The following USP18 variants were observed in gnomAD, a reference collection of about 807,000 sequenced individuals.
The protein encoded by USP18 is ubl carboxyl-terminal hydrolase 18.
Under a neutral mutation model 48.7 loss-of-function variants are expected in USP18, and 11 were observed. The ratio of observed to expected loss-of-function variants is 0.23; its 90% CI spans 0.14 to 0.37. The LOEUF (loss-of-function observed/expected upper bound fraction) is 0.37. Among genes scored for constraint, USP18 ranks in the 10% least tolerant of loss-of-function variants. USP18 has a pLI of 1.00. For missense variants in USP18, 285 were observed against 436.4 expected (o/e 0.65, Z 3.09); for synonymous variants, 114 against 163.2 (o/e 0.70, Z 2.30).
intron 9 of USP18, 139 bp downstream of exon 9, chr22:18,173,420 T>G (rs940393773): frequency 8.8e-7 from 1 of 1,135,538 alleles, no homozygotes; most frequent in African/African-American, 1.6e-5. Context: ...TGATGAGGGT[T>G]CAAGCCTTTT....
chr22:18,155,776 C>G lies in USP18; in HGVS notation c.-106-1782C>G, dbSNP rs560367728. Among the ~76,000 whole-genome samples the G allele has an allele frequency of 2.6e-5, 4 of 152,356 alleles. No individual in the cohort carries two copies. The South Asian group carries it at 8.3e-4, about 32-fold the overall frequency. On this transcript the variant is annotated intron_variant, in intron 1 of 10. Transcript: ENST00000215794. ...ATGCCTGAGCCTCCCCACCCCGCAG[C>G]CATGGGCTCCTGTGCGGACCAAGCC... is the stretch of plus-strand genomic sequence containing the variant.
chr22:18,161,949 C>T lies in USP18; in HGVS notation c.400+14C>T, dbSNP rs1367005897. 1.9e-6 allele frequency: 3 copies of T among 1,601,164 alleles called. No homozygotes were observed. In the Middle Eastern group the frequency reaches 5.1e-4, roughly 270 times the overall value. On this transcript the variant is annotated intron_variant, in intron 4 of 10. Coordinates refer to ENST00000215794, the MANE Select transcript of USP18 (RefSeq NM_017414.4). ...GCAACGTGCCCTGTAAGATACCCTC[C>T]CACTGGGCTCCTGGCTGCTGATCCA...
At chr22:18,174,962 G>T (rs1224212949) in intron 10 of USP18, among the ~76,000 whole-genome samples, 1 of 152,134 alleles carries the variant, frequency 6.6e-6, no homozygotes, top group Non-Finnish European at 1.5e-5. Context: ...CACCCAGGCT[G>T]GAGTGCAGTA....
intron 7 of USP18, among the ~76,000 whole-genome samples, 200 bp from the exon 8 acceptor site, chr22:18,170,553 G>T (rs1417949923): frequency 1.3e-5 from 2 of 150,770 alleles, no homozygotes; most frequent in African/African-American, 2.5e-5. Context: ...TGCCTCTTGT[G>T]GGGGGCCACA....
intron 2 of USP18, 50 bp downstream of exon 2, chr22:18,157,870 G>T: frequency 6.2e-7 from 1 of 1,608,518 alleles, no homozygotes; most frequent in Non-Finnish European, 8.5e-7. Context: ...GTAAATGTTC[G>T]GCTCACCCCC....
chr22:18,173,124 A>G, intron 8 of USP18, 26 bp from the exon 9 acceptor site: 1 of 1,597,622 alleles, frequency 6.3e-7, no homozygotes, highest in South Asian at 1.1e-5. Context: ...TGGTGGGTGA[A>G]CTGTCTCGTG....
intron 4 of USP18, among the ~76,000 whole-genome samples, chr22:18,162,510 G>GAA (rs1284459297): frequency 1.5e-4 from 22 of 150,080 alleles, no homozygotes; most frequent in Middle Eastern, 3.4e-3. Flanking sequence ...GCTGCTTTCA[G>GAA]AATTCTTTGT....
At position 18,168,882 on chromosome 22, in the gene USP18, C is replaced by A. The variant is rs142699207; in HGVS notation, c.627+846C>A. ...ATTTTCATGGCACTGGCCAATTTCT[C>A]CTTTGTTTGGCAAAAATGTTTTTCC... On this transcript the variant is annotated intron_variant, in intron 6 of 10. Transcript: ENST00000215794. 2.5e-4 allele frequency among the ~76,000 whole-genome samples: 38 copies of A among 152,338 alleles called. No individual in the cohort carries two copies. The East Asian group carries it at 7.3e-3, about 29-fold the overall frequency.
chr22:18,151,950 A>C (rs1468774488), intron 1 of USP18, among the ~76,000 whole-genome samples: 1 of 152,162 alleles, frequency 6.6e-6, no homozygotes, highest in African/African-American at 2.4e-5. Flanking sequence ...ACTACTCGGG[A>C]GGCTGAGGCA....
chr22:18,160,761 T>TG (rs1681660577), intron 3 of USP18, among the ~76,000 whole-genome samples: 2 of 150,146 alleles, frequency 1.3e-5, no homozygotes, highest in South Asian at 4.2e-4. Context: ...GACCCAAGTA[T>TG]TGGTACTTTT....
intron 2 of USP18, 50 bp downstream of exon 2, chr22:18,157,870 G>C (rs1206066028): frequency 1.8e-5 from 29 of 1,608,402 alleles, no homozygotes; most frequent in Non-Finnish European, 2.4e-5. Context: ...GTAAATGTTC[G>C]GCTCACCCCC....
intron 6 of USP18, among the ~76,000 whole-genome samples, chr22:18,169,085 A>T (rs1166001966): frequency 1.3e-5 from 2 of 151,920 alleles, no homozygotes; most frequent in African/African-American, 4.8e-5. Context: ...AAGTGTGGGG[A>T]GGCTGTAACT....
intron 1 of USP18, 51 bp from the exon 2 acceptor site, chr22:18,157,507 T>TACAC: frequency 2.1e-6 from 2 of 938,696 alleles, no homozygotes; most frequent in South Asian, 3.2e-5. Flanking sequence ...ATTACATGAA[T>TACAC]ACACATTCCT....
At chr22:18,162,173 G>A (rs917364232) in intron 4 of USP18, among the ~76,000 whole-genome samples, 37 of 152,278 alleles carry the variant, frequency 2.4e-4, no homozygotes, top group African/African-American at 8.7e-4. Flanking sequence ...AGTAGAGTAA[G>A]TGAAGGCATC....
chr22:18,173,717 G>T, intron 9 of USP18, 76 bp from the exon 10 acceptor site: 2 of 1,593,796 alleles, frequency 1.3e-6, no homozygotes, highest in Non-Finnish European at 1.7e-6. Context: ...AGGATGAGGG[G>T]CACATTATAG....
intron 2 of USP18, 94 bp downstream of exon 2, chr22:18,157,914 G>A (rs1602521717): frequency 2.0e-6 from 3 of 1,510,618 alleles, no homozygotes; most frequent in Admixed American, 1.9e-5. Flanking sequence ...TGTATTCGAC[G>A]GCTCATGCTT....
intron 10 of USP18, among the ~76,000 whole-genome samples, chr22:18,174,659 G>A (rs937542558): frequency 1.3e-5 from 2 of 151,850 alleles, no homozygotes; most frequent in Non-Finnish European, 2.9e-5. Context: ...TGTGATCATA[G>A]CTCACTGCAG....
chr22:18,151,349 C>T (rs1000655590), intron 1 of USP18, among the ~76,000 whole-genome samples: 2 of 152,092 alleles, frequency 1.3e-5, no homozygotes, highest in Non-Finnish European at 2.9e-5. Flanking sequence ...ATAATTTGTA[C>T]TTTAAAGTTG....
Position 18,160,258 on chromosome 22 carries a change from A to G in USP18, c.244A>G (p.Ile82Val), listed in dbSNP as rs768910396. 58 of 1,613,958 alleles carry G rather than the reference A, an allele frequency of 3.6e-5. No homozygotes were observed. The highest frequency in any genetic ancestry group is 4.5e-5 in the Non-Finnish European group (53 of 1,179,968). Residue 82 changes from isoleucine (I) to valine (V), a missense_variant, in exon 3 of 11, where the codon ATA becomes GTA. Ile to Val is a conservative substitution (Grantham distance 29). This residue lies in a region of USP18 where 199 missense variants were observed against 239.6 expected (regional missense o/e 0.83). Transcript: ENST00000215794. ...VFVMNVDFTR[I>V]LKRITVPRGA... Reference sequence around the variant, plus strand: ...CGTAATGAATGTGGACTTCACCAGGATATTGAAGAGGTAAGACTGTTCTTC... The same window carrying G: ...CGTAATGAATGTGGACTTCACCAGGGTATTGAAGAGGTAAGACTGTTCTTC...
Sources: allele counts gnomAD v4.1 joint callset (sites outside exome capture counted in the v4.1 genomes callset), GRCh38; gene constraint gnomAD v4.1.1; regional missense constraint gnomAD v4.1.1; transcripts MANE v1.5; gene names NCBI Gene and HGNC (gene_info 2026-07-23, HGNC 2026-07-21).